Variants in RARB observed in about 807,000 individuals in gnomAD.
The protein encoded by RARB is retinoic acid receptor beta.
A neutral mutation model predicts 51.9 loss-of-function variants in RARB; 17 were observed. The ratio of observed to expected loss-of-function variants is 0.33; its 90% CI spans 0.22 to 0.49. RARB has a LOEUF of 0.49. Ranked by LOEUF, RARB falls within the 20% of genes least tolerant of loss-of-function variation. The pLI is 0.99. For missense variants in RARB, 369 were observed against 550.8 expected (o/e 0.67, Z 3.30); for synonymous variants, 215 against 195.4 (o/e 1.10, Z -0.84).
chr3:24,989,748 C>T (rs1211367788), intron 2 of RARB, among the ~76,000 whole-genome samples: 1 of 76,318 alleles, frequency 1.3e-5, no homozygotes. Flanking sequence ...TTCCAACTTT[C>T]ATTTTAACTG....
intron 2 of RARB, among the ~76,000 whole-genome samples, chr3:24,988,045 C>T (rs1329136398): frequency 6.6e-6 from 1 of 151,608 alleles, no homozygotes; most frequent in African/African-American, 2.4e-5. Flanking sequence ...GAGAAATTGT[C>T]TTTAGAATGA....
At chr3:25,371,630 A>C (rs1056634607) in intron 5 of RARB, among the ~76,000 whole-genome samples, 3 of 152,246 alleles carry the variant, frequency 2.0e-5, no homozygotes, top group African/African-American at 4.8e-5. Context: ...AGTGTTTTAA[A>C]TAAACGCTCG....
intron 5 of RARB, among the ~76,000 whole-genome samples, chr3:25,419,127 C>T (rs927897745): frequency 1.2e-4 from 18 of 151,828 alleles, no homozygotes; most frequent in Non-Finnish European, 2.2e-4. Context: ...TAGTAATAAG[C>T]TGGGGGGAAT....
intron 5 of RARB, among the ~76,000 whole-genome samples, chr3:25,290,112 A>G (rs1255898326): frequency 2.0e-5 from 3 of 152,182 alleles, no homozygotes; most frequent in African/African-American, 7.2e-5. Flanking sequence ...AGCTATTTAC[A>G]TAGAAATCTC....
Position 25,123,575 on chromosome 3 carries a change from T to C in RARB, c.-327-8586T>C, listed in dbSNP as rs78377454. On this transcript the variant is annotated intron_variant, in intron 3 of 11. Transcript: ENST00000383772. ...GCAACAGTTGTATCACCTTTTCTAA[T>C]CATATAACCTAACACCTAATTGCTG... 3.4e-3 allele frequency among the ~76,000 whole-genome samples: 525 copies of C among 152,320 alleles called. 7 individuals carry two copies. In the East Asian group the frequency reaches 0.044, roughly 13 times the overall value.
chr3:24,960,851 A>T (rs1696125431), intron 2 of RARB, among the ~76,000 whole-genome samples: 1 of 152,090 alleles, frequency 6.6e-6, no homozygotes, highest in South Asian at 2.1e-4. Flanking sequence ...TTTCTGGCAG[A>T]GTATCTCTTG....
At chr3:25,135,162 C>G (rs1195011768) in intron 4 of RARB, among the ~76,000 whole-genome samples, 1 of 151,516 alleles carries the variant, frequency 6.6e-6, no homozygotes, top group Non-Finnish European at 1.5e-5. Flanking sequence ...TTGTTTCGAT[C>G]CATCGATAGA....
intron 1 of RARB, among the ~76,000 whole-genome samples, chr3:25,457,339 C>T (rs1167374893): frequency 6.6e-6 from 1 of 152,192 alleles, no homozygotes; most frequent in East Asian, 1.9e-4. Flanking sequence ...CATGTTATGT[C>T]ACTCAGCCAA....
chr3:24,988,413 A>G (rs4858675), intron 2 of RARB, among the ~76,000 whole-genome samples: 75,796 of 152,030 alleles, frequency 0.5, 19,449 homozygotes, highest in Admixed American at 0.6. Context: ...AAAAAAATTT[A>G]ACATGTTCTT....
rs978055110 is a variant in RARB, at chr3:25,339,765, T to C, written c.179-121428T>C. Among the ~76,000 whole-genome samples, 3 of 152,206 alleles carry C rather than the reference T, an allele frequency of 2.0e-5. No homozygotes were observed. In the South Asian group the frequency reaches 6.2e-4, roughly 32 times the overall value. ...ATTACATTCCCAGGAGCCATAGCAT[T>C]GTACCTCCAGAGAAGGTCTGAAGAC... On this transcript the variant is annotated intron_variant, in intron 5 of 11. Coordinates refer to the RARB transcript ENST00000383772.
At chr3:25,085,352 ATATACT>A (rs1699086329) in intron 3 of RARB, among the ~76,000 whole-genome samples, 1 of 152,114 alleles carries the variant, frequency 6.6e-6, no homozygotes, top group Non-Finnish European at 1.5e-5. Context: ...TAAATAGTGG[ATATACT>A]TTTATTTGCC....
At chr3:25,490,781 G>A (rs1211260304) in intron 2 of RARB, among the ~76,000 whole-genome samples, 1 of 151,990 alleles carries the variant, frequency 6.6e-6, no homozygotes, top group Non-Finnish European at 1.5e-5. Flanking sequence ...GAGTAATCCT[G>A]ATAATAGATC....
At chr3:25,176,511 T>G (rs1054554999) in intron 5 of RARB, among the ~76,000 whole-genome samples, 37 of 151,304 alleles carry the variant, frequency 2.4e-4, no homozygotes, top group African/African-American at 9.0e-4. Context: ...TTCTCCCACC[T>G]CAACCCTCTG....
At chr3:24,888,559 T>G (rs1703310090) in intron 2 of RARB, among the ~76,000 whole-genome samples, 4 of 152,082 alleles carry the variant, frequency 2.6e-5, no homozygotes, top group African/African-American at 9.7e-5. Context: ...GCTAGTAATG[T>G]GATATTTAAC....
chr3:25,260,893 T>C (rs1445836759), intron 5 of RARB, among the ~76,000 whole-genome samples: 1 of 152,094 alleles, frequency 6.6e-6, no homozygotes, highest in African/African-American at 2.4e-5. Context: ...GAAAATTAAA[T>C]AAAATAGGAC....
chr3:25,518,459 A>G (rs1477238695), intron 3 of RARB, among the ~76,000 whole-genome samples: 2 of 151,844 alleles, frequency 1.3e-5, no homozygotes. Context: ...TGTCCTTGAC[A>G]TTTTTCGTTG....
intron 5 of RARB, among the ~76,000 whole-genome samples, chr3:25,290,828 C>T (rs990198341): frequency 2.6e-5 from 4 of 152,194 alleles, no homozygotes; most frequent in South Asian, 2.1e-4. Flanking sequence ...TCTCTCTCCC[C>T]TCTTCTCTTG....
intron 2 of RARB, among the ~76,000 whole-genome samples, chr3:24,879,477 G>A: frequency 7.3e-6 from 1 of 136,824 alleles, no homozygotes; most frequent in African/African-American, 2.8e-5. Flanking sequence ...CAGCAGAAAG[G>A]ATCTCCATTT....
At chr3:24,891,176 A>G (rs1703370789) in intron 2 of RARB, among the ~76,000 whole-genome samples, 1 of 152,214 alleles carries the variant, frequency 6.6e-6, no homozygotes, top group Admixed American at 6.5e-5. Context: ...AGTTTTTGAT[A>G]ATATCTCATG....
Sources: gnomAD v4.1 joint callset for allele counts (sites outside exome capture counted in the v4.1 genomes callset) on GRCh38, gnomAD v4.1.1 for gene constraint, MANE v1.5 for transcripts, NCBI Gene and HGNC (gene_info 2026-07-23, HGNC 2026-07-21) for gene names.